The following DTD1 variants were observed in gnomAD, a reference collection of about 807,000 sequenced individuals.
DTD1 encodes D-tyrosyl-tRNA deacylase 1 homolog.
DTD1 carries 13 observed loss-of-function variants against 25.6 expected under a neutral mutation model. The observed-to-expected ratio is 0.51, with a 90% confidence interval of 0.33 to 0.81. The LOEUF (loss-of-function observed/expected upper bound fraction) is 0.81. Among genes scored for constraint, DTD1 ranks in the 30% least tolerant of loss-of-function variants. DTD1 has a pLI of 0.02. For missense variants in DTD1, 193 were observed against 266.4 expected (o/e 0.72, Z 1.92); for synonymous variants, 110 against 103.6 (o/e 1.06, Z -0.37).
intron 4 of DTD1, among the ~76,000 whole-genome samples, chr20:18,739,034 T>A (rs1190140999): frequency 6.6e-6 from 1 of 151,942 alleles, no homozygotes; most frequent in Non-Finnish European, 1.5e-5. Flanking sequence ...CTCTGCAGTG[T>A]GGCCTCAGGC....
intron 4 of DTD1, among the ~76,000 whole-genome samples, chr20:18,654,528 C>T (rs554477100): frequency 1.1e-3 from 168 of 152,298 alleles, no homozygotes; most frequent in Middle Eastern, 3.4e-3. Flanking sequence ...ATTTGTTCTT[C>T]GAAGGCCAGC....
intron 4 of DTD1, among the ~76,000 whole-genome samples, chr20:18,732,161 G>C (rs970761652): frequency 6.6e-6 from 1 of 152,220 alleles, no homozygotes; most frequent in Admixed American, 6.5e-5. Flanking sequence ...ACAAGGTATA[G>C]ACCAAGTGGG....
At chr20:18,667,543 C>T (rs909889834) in intron 4 of DTD1, among the ~76,000 whole-genome samples, 1 of 150,318 alleles carries the variant, frequency 6.7e-6, no homozygotes, top group Non-Finnish European at 1.5e-5. Context: ...CATGAGAGGG[C>T]GTGTGTCCCT....
intron 4 of DTD1, among the ~76,000 whole-genome samples, chr20:18,687,865 G>A (rs1406577769): frequency 1.3e-5 from 2 of 152,210 alleles, no homozygotes; most frequent in Non-Finnish European, 2.9e-5. Flanking sequence ...TCTTTGGACA[G>A]TAACAGTAAC....
intron 3 of DTD1, among the ~76,000 whole-genome samples, chr20:18,613,674 T>C (rs1250177707): frequency 6.6e-6 from 1 of 152,208 alleles, no homozygotes; most frequent in Non-Finnish European, 1.5e-5. Context: ...ACAAGTGTCA[T>C]CAGAACCTTC....
chr20:18,596,049 G>A lies in DTD1; in HGVS notation c.178G>A (p.Gly60Arg), dbSNP rs1458057464. Reference sequence around the variant, plus strand: ...CCTGCGTGTATTTGAGGATGAGAGTGGGAAGCACTGGTCGAAGAGTGTGAT... The same window carrying A: ...CCTGCGTGTATTTGAGGATGAGAGTAGGAAGCACTGGTCGAAGAGTGTGAT... ...LNLRVFEDES[G>R]KHWSKSVMDK... The change falls in exon 3 of 6, where the codon GGG (glycine) becomes AGG (arginine). Residue 60 changes from glycine to arginine, a missense_variant. Transcript: ENST00000377452. 2.2e-5 allele frequency: 35 copies of A among 1,613,972 alleles called. No individual in the cohort carries two copies. Among genetic ancestry groups the A allele is most frequent in the Non-Finnish European group, 3.0e-5 (35 of 1,180,018 alleles).
chr20:18,649,875 T>C (rs187656476), intron 4 of DTD1, among the ~76,000 whole-genome samples: 13 of 152,304 alleles, frequency 8.5e-5, no homozygotes, highest in Admixed American at 5.2e-4. Context: ...CTCATGCTCA[T>C]GCGCCACAGT....
intron 4 of DTD1, among the ~76,000 whole-genome samples, chr20:18,707,272 C>G (rs1037217739): frequency 3.3e-5 from 5 of 152,138 alleles, no homozygotes; most frequent in Non-Finnish European, 5.9e-5. Flanking sequence ...ATGCAGAGAC[C>G]TGTTTCATCT....
At position 18,726,280 on chromosome 20, in the gene DTD1, T is replaced by G. The variant is rs1600392654; in HGVS notation, c.478-17820T>G. On this transcript the variant is annotated intron_variant, in intron 4 of 5. Coordinates refer to ENST00000377452, the MANE Select transcript of DTD1 (RefSeq NM_080820.6). ...CATTTTCTTTTCAGGCTTCGTCAAG[T>G]GCATTCTTTGCTTGTTTGTCCAGGA... Among the ~76,000 whole-genome samples the G allele has an allele frequency of 3.3e-5, 5 of 152,338 alleles. No homozygotes were observed. In the South Asian group the frequency reaches 1.0e-3, roughly 32 times the overall value.
At chr20:18,662,850 G>C (rs1195027862) in intron 4 of DTD1, among the ~76,000 whole-genome samples, 1 of 152,132 alleles carries the variant, frequency 6.6e-6, no homozygotes, top group African/African-American at 2.4e-5. Flanking sequence ...AGCTGCTTCA[G>C]ATAACTCAGT....
intron 5 of DTD1, among the ~76,000 whole-genome samples, chr20:18,756,869 C>T (rs889779378): frequency 6.6e-6 from 1 of 151,816 alleles, no homozygotes; most frequent in Non-Finnish European, 1.5e-5. Flanking sequence ...GCAGTATGGC[C>T]ATTTTCACAA....
chr20:18,664,765 G>A (rs117414897), intron 4 of DTD1, among the ~76,000 whole-genome samples: 2,200 of 152,322 alleles, frequency 0.014, 18 homozygotes, highest in Non-Finnish European at 0.024. Context: ...AGTGTGGGGT[G>A]TGTTGTGTGT....
chr20:18,674,957 C>T (rs969331331), intron 4 of DTD1: 3 of 152,280 alleles, frequency 2.0e-5, no homozygotes, highest in Non-Finnish European at 4.4e-5. Flanking sequence ...AGCAGCTCAA[C>T]ACAACAATAA....
At chr20:18,733,248 A>G (rs2061244680) in intron 4 of DTD1, among the ~76,000 whole-genome samples, 1 of 152,188 alleles carries the variant, frequency 6.6e-6, no homozygotes, top group Non-Finnish European at 1.5e-5. Context: ...GACCACTTCT[A>G]GAATCCTTAA....
chr20:18,647,507 T>C (rs959206572), intron 4 of DTD1, among the ~76,000 whole-genome samples: 1 of 152,010 alleles, frequency 6.6e-6, no homozygotes, highest in African/African-American at 2.4e-5. Flanking sequence ...ATCTCGAAGG[T>C]TGAGGAAGAG....
chr20:18,754,920 A>T (rs1016052652), intron 5 of DTD1, among the ~76,000 whole-genome samples: 3 of 152,222 alleles, frequency 2.0e-5, no homozygotes, highest in Non-Finnish European at 4.4e-5. Context: ...ACTAACATTG[A>T]TCTTATGATT....
chr20:18,760,641 C>T (rs1026923554), intron 5 of DTD1, among the ~76,000 whole-genome samples: 4 of 152,150 alleles, frequency 2.6e-5, no homozygotes, highest in African/African-American at 9.7e-5. Flanking sequence ...GTTAGTCTGC[C>T]CCTACAGTGC....
Position 18,761,187 on chromosome 20 carries a change from C to T in DTD1, c.*20-2173C>T, listed in dbSNP as rs544664540. ...TCCCTGGCCCCTTGCGCTTCCCGGGCGAGGCGATGCCTCGCCCTGCTCGGT... is the reference window on the plus strand; with the variant it reads ...TCCCTGGCCCCTTGCGCTTCCCGGGTGAGGCGATGCCTCGCCCTGCTCGGT... On this transcript the variant is annotated intron_variant, in intron 5 of 5. Coordinates refer to ENST00000377452, the MANE Select transcript of DTD1 (RefSeq NM_080820.6). 8.9e-4 allele frequency among the ~76,000 whole-genome samples: 135 copies of T among 152,172 alleles called. 1 individual carries two copies. The highest frequency in any genetic ancestry group is 1.9e-4 in the East Asian group (1 of 5,164).
intron 5 of DTD1, among the ~76,000 whole-genome samples, chr20:18,745,570 T>C (rs1030832889): frequency 1.5e-4 from 23 of 151,586 alleles, no homozygotes; most frequent in African/African-American, 5.3e-4. Context: ...CAGGTGGCAG[T>C]GGGGAGGCAG....
Sources: gnomAD v4.1 joint callset for allele counts (sites outside exome capture counted in the v4.1 genomes callset) on GRCh38, gnomAD v4.1.1 for gene constraint, MANE v1.5 for transcripts, NCBI Gene and HGNC (gene_info 2026-07-23, HGNC 2026-07-21) for gene names.